Variants in ITGA1 observed in about 807,000 individuals in gnomAD.
ITGA1 encodes the protein integrin alpha-1.
Under a neutral mutation model 145.9 loss-of-function variants are expected in ITGA1, and 85 were observed. The ratio of observed to expected loss-of-function variants is 0.58; its 90% confidence interval spans 0.49 to 0.70. The LOEUF (loss-of-function observed/expected upper bound fraction) is 0.70. Ranked by LOEUF, ITGA1 falls within the 30% of genes least tolerant of loss-of-function variation. The pLI is 0.00. For missense variants in ITGA1, 1,351 were observed against 1,418.7 expected, an observed-to-expected ratio of 0.95 and a Z score of 0.77; for synonymous variants, 520 against 495.3, an observed-to-expected ratio of 1.05 and a Z score of -0.66.
intron 7 of ITGA1, among the ~76,000 whole-genome samples, chr5:52,884,303 C>T (rs1358382420): frequency 2.6e-5 from 4 of 151,796 alleles, no homozygotes; most frequent in African/African-American, 9.7e-5. Context: ...AAAAATTAGC[C>T]GGGCGTGGTG....
chr5:52,910,284 A>C lies in ITGA1; in HGVS notation c.1722A>C (p.Ala574=). 6.2e-7 allele frequency: 1 copy of C among 1,613,980 alleles called. No homozygotes were observed. The highest frequency in any genetic ancestry group is 8.5e-7 in the Non-Finnish European group (1 of 1,179,942). Residue 574 remains alanine, a synonymous_variant, in exon 14 of 29, where the codon GCA becomes GCC. Coordinates refer to ENST00000282588, the MANE Select transcript of ITGA1 (RefSeq NM_181501.2). ...NEPCGARFGT[A]IAAVKDLNLD... ...CATGCGGGGCTCGTTTTGGAACTGC[A>C]ATTGCTGCTGTAAAAGACCTCAATC... is the stretch of plus-strand genomic sequence containing the variant.
chr5:52,789,257 G>A (rs1748192485), intron 1 of ITGA1, among the ~76,000 whole-genome samples: 1 of 152,040 alleles, frequency 6.6e-6, no homozygotes, highest in Admixed American at 6.5e-5. Context: ...ATGGAAGAAG[G>A]TGGGGGGAAA....
At chr5:52,925,538 C>A in intron 19 of ITGA1, 51 bp downstream of exon 19, 1 of 1,361,662 alleles carries the variant, frequency 7.3e-7, no homozygotes, top group Non-Finnish European at 1.0e-6. Context: ...ATTTACCTGG[C>A]CTACTTTTCA....
chr5:52,900,919 G>A (rs6871853), intron 11 of ITGA1, among the ~76,000 whole-genome samples: 32,028 of 151,832 alleles, frequency 0.21, 3,457 homozygotes, highest in Middle Eastern at 0.28. Context: ...TTTTTTTATT[G>A]TGTAATGTTA....
At chr5:52,867,293 G>A (rs1561231609) in intron 6 of ITGA1, 1 of 152,208 alleles carries the variant, frequency 6.6e-6, no homozygotes, top group South Asian at 2.1e-4. Context: ...TGCATTCCAA[G>A]GCTGAATAGG....
At chr5:52,867,639 C>A (rs1197000004) in intron 6 of ITGA1, among the ~76,000 whole-genome samples, 1 of 151,890 alleles carries the variant, frequency 6.6e-6, no homozygotes, top group Non-Finnish European at 1.5e-5. Flanking sequence ...TCCTCCTTTC[C>A]TCGCTTCCCC....
At chr5:52,918,371 C>T (rs367882267) in intron 15 of ITGA1, among the ~76,000 whole-genome samples, 3 of 152,094 alleles carry the variant, frequency 2.0e-5, no homozygotes, top group Non-Finnish European at 2.9e-5. Context: ...CAGGGGTCTA[C>T]GGGCTGTTCA....
intron 1 of ITGA1, among the ~76,000 whole-genome samples, chr5:52,828,075 C>T (rs1253769843): frequency 6.6e-6 from 1 of 152,144 alleles, no homozygotes; most frequent in Non-Finnish European, 1.5e-5. Context: ...GTCATTTCCA[C>T]CTTTTTGGCT....
chr5:52,822,278 A>C (rs1052347008), intron 1 of ITGA1, among the ~76,000 whole-genome samples: 2 of 152,238 alleles, frequency 1.3e-5, no homozygotes, highest in African/African-American at 4.8e-5. Flanking sequence ...TGCCTACAGT[A>C]GATTGGTGAC....
intron 11 of ITGA1, 136 bp downstream of exon 11, chr5:52,898,519 C>A (rs1750266843): frequency 7.5e-6 from 6 of 804,580 alleles, no homozygotes; most frequent in Non-Finnish European, 7.4e-6. Flanking sequence ...TTCCAGAACC[C>A]ATGCAAAGTT....
chr5:52,848,993 T>C (rs1749383379), intron 1 of ITGA1, among the ~76,000 whole-genome samples: 1 of 152,148 alleles, frequency 6.6e-6, no homozygotes. Context: ...GACATTTGGG[T>C]TGGTTCCAAG....
intron 10 of ITGA1, among the ~76,000 whole-genome samples, chr5:52,897,821 T>C (rs1481657127): frequency 7.1e-6 from 1 of 140,646 alleles, no homozygotes; most frequent in African/African-American, 2.7e-5. Context: ...TTTAACATAT[T>C]TGCTACAGAT....
intron 1 of ITGA1, among the ~76,000 whole-genome samples, chr5:52,808,181 A>G (rs1748625941): frequency 6.6e-6 from 1 of 152,226 alleles, no homozygotes; most frequent in South Asian, 2.1e-4. Context: ...AGATTAAATT[A>G]CATTCAGTGT....
At chr5:52,910,127 GA>G in intron 13 of ITGA1, 34 bp from the exon 14 acceptor site, 1 of 1,580,070 alleles carries the variant, frequency 6.3e-7, no homozygotes, top group Non-Finnish European at 8.7e-7. Context: ...AGTAATGATG[GA>G]AATACATAAA....
intron 27 of ITGA1, among the ~76,000 whole-genome samples, chr5:52,945,872 T>A (rs777332144): frequency 3.9e-4 from 60 of 152,224 alleles, no homozygotes; most frequent in Non-Finnish European, 7.1e-4. Context: ...ATGCATATAA[T>A]GTTTACTTAT....
chr5:52,908,069 G>A (rs187781513), intron 12 of ITGA1, among the ~76,000 whole-genome samples: 2 of 152,148 alleles, frequency 1.3e-5, no homozygotes, highest in African/African-American at 4.8e-5. Context: ...ATGGAAAAAG[G>A]CTACAGGTCT....
chr5:52,851,499 G>A (rs1047115896), intron 2 of ITGA1, among the ~76,000 whole-genome samples: 4 of 152,126 alleles, frequency 2.6e-5, no homozygotes, highest in Non-Finnish European at 5.9e-5. Context: ...GATGTCATGA[G>A]GAATGTCCTT....
intron 14 of ITGA1, among the ~76,000 whole-genome samples, chr5:52,911,637 T>TATAGTGTATCTACTATATATACTATAC (rs1750539893): frequency 1.0e-5 from 1 of 96,414 alleles, no homozygotes; most frequent in Non-Finnish European, 2.1e-5. Context: ...ATATACTATA[T>TATAGTGTATCTACTATATATACTATAC]ATAGTGTATC....
chr5:52,879,557 G>C (rs1749921673), intron 6 of ITGA1, among the ~76,000 whole-genome samples: 1 of 152,078 alleles, frequency 6.6e-6, no homozygotes, highest in Admixed American at 6.5e-5. Context: ...AAAAACTTTA[G>C]GGTCATTGAA....
Sources: gnomAD v4.1 joint callset for allele counts (sites outside exome capture counted in the v4.1 genomes callset) on GRCh38, gnomAD v4.1.1 for gene constraint, MANE v1.5 for transcripts, NCBI Gene and HGNC (gene_info 2026-07-23, HGNC 2026-07-21) for gene names.